The following ANTXR2 variants were observed in gnomAD, a reference collection of about 807,000 sequenced individuals.
The protein encoded by ANTXR2 is ANTXR cell adhesion molecule 2.
In ANTXR2, 44 loss-of-function variants were observed where a neutral mutation model predicts 73.7. The observed-to-expected ratio is 0.60, with a 90% CI of 0.47 to 0.77. ANTXR2 has a LOEUF of 0.77. ANTXR2 is among the 30% of genes least tolerant of loss of function. The pLI, the probability that ANTXR2 is intolerant of heterozygous loss-of-function variation, is 0.00. For missense variants in ANTXR2, 604 were observed against 592.5 expected (o/e 1.02, Z -0.20); for synonymous variants, 217 against 205.9 (o/e 1.05, Z -0.46).
chr4:79,925,040 C>T (rs1025797184), intron 16 of ANTXR2, among the ~76,000 whole-genome samples: 5 of 152,042 alleles, frequency 3.3e-5, no homozygotes, highest in Non-Finnish European at 5.9e-5. Context: ...TGTGAAAGAT[C>T]GGTCATTCTA....
At chr4:79,999,033 A>C (rs565120096) in intron 12 of ANTXR2, among the ~76,000 whole-genome samples, 1 of 151,962 alleles carries the variant, frequency 6.6e-6, no homozygotes, top group Non-Finnish European at 1.5e-5. Context: ...TCTTGAAAAG[A>C]CTCTTTAGTA....
chr4:79,963,837 T>G (rs1006153774), intron 16 of ANTXR2, among the ~76,000 whole-genome samples: 1 of 152,186 alleles, frequency 6.6e-6, no homozygotes. Context: ...ATTCTTGAAT[T>G]TTTTGTTTCT....
chr4:79,949,748 G>C (rs1728636621), intron 16 of ANTXR2, among the ~76,000 whole-genome samples: 1 of 152,146 alleles, frequency 6.6e-6, no homozygotes. Flanking sequence ...ATGCAAAATA[G>C]ATGGCATGTA....
chr4:79,979,718 A>C (rs1027920452), intron 14 of ANTXR2, among the ~76,000 whole-genome samples: 1 of 152,192 alleles, frequency 6.6e-6, no homozygotes, highest in South Asian at 2.1e-4. Context: ...CAGAGAAATG[A>C]CCTTCTCTTT....
chr4:80,041,939 G>C (rs1733287254), intron 7 of ANTXR2, among the ~76,000 whole-genome samples: 1 of 151,952 alleles, frequency 6.6e-6, no homozygotes, highest in South Asian at 2.1e-4. Context: ...ACGCATGCAT[G>C]TATCTTTGTA....
intron 16 of ANTXR2, among the ~76,000 whole-genome samples, chr4:79,974,777 A>G (rs1167805277): frequency 1.3e-5 from 2 of 148,538 alleles, no homozygotes; most frequent in Non-Finnish European, 3.0e-5. Context: ...ATATTGATTA[A>G]AAAAAAAAAG....
chr4:80,030,448 T>A (rs1222446446), intron 10 of ANTXR2, among the ~76,000 whole-genome samples: 2 of 152,066 alleles, frequency 1.3e-5, no homozygotes, highest in Non-Finnish European at 2.9e-5. Context: ...GGGGTTAAGA[T>A]GGCTCCACAA....
At chr4:80,035,366 C>T (rs1732904158) in intron 8 of ANTXR2, among the ~76,000 whole-genome samples, 1 of 152,080 alleles carries the variant, frequency 6.6e-6, no homozygotes, top group Non-Finnish European at 1.5e-5. Flanking sequence ...TCTCCCCCAC[C>T]AGACCCAATA....
intron 3 of ANTXR2, among the ~76,000 whole-genome samples, chr4:80,057,765 A>G (rs1037811602): frequency 2.0e-5 from 3 of 152,060 alleles, no homozygotes; most frequent in African/African-American, 7.2e-5. Context: ...TAATTTAAAT[A>G]TTCACTTTTC....
At chr4:79,980,821 A>G (rs1322428629) in intron 14 of ANTXR2, among the ~76,000 whole-genome samples, 5 of 151,804 alleles carry the variant, frequency 3.3e-5, no homozygotes, top group Non-Finnish European at 7.4e-5. Flanking sequence ...AAAAATCCCT[A>G]TGCTGGCTTA....
chr4:79,988,495 T>C (rs186160068), intron 12 of ANTXR2, among the ~76,000 whole-genome samples: 1 of 151,884 alleles, frequency 6.6e-6, no homozygotes, highest in East Asian at 1.9e-4. Context: ...CCTAGATTCA[T>C]AAAACAAGTT....
chr4:80,020,741 A>AATGTGC, intron 10 of ANTXR2, among the ~76,000 whole-genome samples: 1 of 152,226 alleles, frequency 6.6e-6, no homozygotes, highest in Non-Finnish European at 1.5e-5. Context: ...GTTTGGATTC[A>AATGTGC]TACAAGAAAG....
chr4:79,996,547 C>G (rs4555571), intron 12 of ANTXR2, among the ~76,000 whole-genome samples: 84,410 of 151,776 alleles, frequency 0.56, 26,180 homozygotes, highest in East Asian at 0.94. Flanking sequence ...GTTCCAAAAT[C>G]TTCCCTCTCT....
At chr4:80,007,864 T>C (rs1560980360) in intron 12 of ANTXR2, among the ~76,000 whole-genome samples, 1 of 152,192 alleles carries the variant, frequency 6.6e-6, no homozygotes. Flanking sequence ...ATGTGAAAGC[T>C]GTGATTAGAC....
At chr4:80,002,914 G>C (rs569841492) in intron 12 of ANTXR2, among the ~76,000 whole-genome samples, 3 of 144,940 alleles carry the variant, frequency 2.1e-5, no homozygotes, top group African/African-American at 7.4e-5. Flanking sequence ...GGAAACAACA[G>C]GTGCTGGAGA....
At chr4:79,984,786 A>T (rs748121960) in intron 13 of ANTXR2, 33 bp downstream of exon 13, 1 of 1,580,218 alleles carries the variant, frequency 6.3e-7, no homozygotes, top group East Asian at 2.3e-5. Flanking sequence ...GAAAAAAAAA[A>T]CAGCCATATC....
At chr4:80,015,326 A>G (rs1489188356) in intron 11 of ANTXR2, among the ~76,000 whole-genome samples, 1 of 152,226 alleles carries the variant, frequency 6.6e-6, no homozygotes, top group African/African-American at 2.4e-5. Flanking sequence ...ACATTCCCCC[A>G]TAACCACCAG....
chr4:80,003,943 A>G (rs935278548), intron 12 of ANTXR2, among the ~76,000 whole-genome samples: 2 of 152,122 alleles, frequency 1.3e-5, no homozygotes, highest in African/African-American at 4.8e-5. Flanking sequence ...AAGTTTATGT[A>G]AAAACCTGTA....
chr4:80,071,661 G>A lies in ANTXR2; in HGVS notation c.153-7C>T, dbSNP rs764919263. 1.9e-6 allele frequency: 3 copies of A among 1,606,068 alleles called. No homozygotes were observed. Among genetic ancestry groups the A allele is most frequent in the East Asian group, 2.2e-5 (1 of 44,816 alleles). On this transcript the variant is annotated splice_region_variant and splice_polypyrimidine_tract_variant and intron_variant, in intron 1 of 16. Transcript: ENST00000403729. Reference sequence around the variant, plus strand: ...ATTTGCCACACTCCCAGACCTGAAAGATGAAATTGAACTGATCAGAGAAAC... The same window carrying A: ...ATTTGCCACACTCCCAGACCTGAAAAATGAAATTGAACTGATCAGAGAAAC...
Sources: allele counts gnomAD v4.1 joint callset (sites outside exome capture counted in the v4.1 genomes callset), GRCh38; gene constraint gnomAD v4.1.1; transcripts MANE v1.5; gene names NCBI Gene and HGNC (gene_info 2026-07-23, HGNC 2026-07-21).